The following SESN1 variants were observed in gnomAD, a reference collection of about 807,000 sequenced individuals.
SESN1 encodes the protein sestrin 1, also known as sestrin-1.
In SESN1, 30 loss-of-function variants were observed where a neutral mutation model predicts 59.3. The ratio of observed to expected loss-of-function variants is 0.51; its 90% CI spans 0.38 to 0.69. The LOEUF (loss-of-function observed/expected upper bound fraction) is 0.69, where lower values mean the gene tolerates loss of function less well. Ranked by LOEUF, SESN1 falls within the 30% of genes least tolerant of loss-of-function variation. SESN1 has a pLI of 0.00. For missense variants in SESN1, 566 were observed against 673.0 expected (o/e 0.84, Z 1.76); for synonymous variants, 197 against 219.9 (o/e 0.90, Z 0.92).
rs201768006 is a variant in SESN1 at position 109,069,322 on chromosome 6, C to CA, written c.279+24472dup. Among the ~76,000 whole-genome samples, 772 of 148,602 alleles carry CA rather than the reference C, an allele frequency of 5.2e-3. 8 individuals are homozygous for CA. The highest frequency in any genetic ancestry group is 0.017 in the African/African-American group (668 of 40,482). On this transcript the variant is annotated intron_variant, in intron 1 of 9. Transcript: ENST00000436639. ...AGAGGGGTAAAATAAAACAAACAAA[C>CA]AAAAAAAAACACCAAGTTCCATGCT...
At chr6:109,020,317 T>A (rs1204134865) in intron 1 of SESN1, among the ~76,000 whole-genome samples, 1 of 152,230 alleles carries the variant, frequency 6.6e-6, no homozygotes, top group African/African-American at 2.4e-5. Context: ...TTTAGTATTG[T>A]AGTGATTATT....
intron 1 of SESN1, among the ~76,000 whole-genome samples, chr6:109,085,505 T>C (rs974169171): frequency 2.2e-5 from 3 of 139,018 alleles, no homozygotes; most frequent in South Asian, 2.2e-4. Flanking sequence ...GGTGACAGAG[T>C]GACACTCCGT....
intron 1 of SESN1, among the ~76,000 whole-genome samples, chr6:109,006,066 T>C (rs1262527828): frequency 6.6e-6 from 1 of 152,146 alleles, no homozygotes; most frequent in African/African-American, 2.4e-5. Context: ...TGATAATAAA[T>C]AGCAATAGCA....
chr6:109,003,356 AG>A (rs1217681819), intron 1 of SESN1, among the ~76,000 whole-genome samples: 4 of 151,446 alleles, frequency 2.6e-5, no homozygotes, highest in African/African-American at 7.3e-5. Context: ...TTCCTTTTAA[AG>A]AAAAAAAGTG....
chr6:109,016,672 C>G (rs1779933231), intron 1 of SESN1, among the ~76,000 whole-genome samples: 1 of 152,120 alleles, frequency 6.6e-6, no homozygotes, highest in African/African-American at 2.4e-5. Flanking sequence ...ATTTAGGGGA[C>G]TATAGTTCAT....
rs1001663648 is a variant in SESN1 at position 109,004,666 on chromosome 6, G to A, written c.280-2323C>T. ...AGGATGGTCTCAATCTCCTGACCTC[G>A]TGATGCGCCCACCTCGGCCTCCCAA... On this transcript the variant is annotated intron_variant, in intron 1 of 9. Transcript: ENST00000436639. 3.9e-5 allele frequency among the ~76,000 whole-genome samples: 6 copies of A among 152,064 alleles called. No individual in the cohort carries two copies. The East Asian group carries it at 7.7e-4, about 20-fold the overall frequency.
At chr6:109,064,641 A>G (rs1392804265) in intron 1 of SESN1, among the ~76,000 whole-genome samples, 3 of 6,508 alleles carry the variant, frequency 4.6e-4, no homozygotes, top group Non-Finnish European at 5.7e-4. Flanking sequence ...AGGGGAGAGG[A>G]GAGGTGGGGT....
chr6:109,077,184 CAT>C (rs532609469), intron 1 of SESN1, among the ~76,000 whole-genome samples: 148 of 152,314 alleles, frequency 9.7e-4, no homozygotes, highest in African/African-American at 3.4e-3. Context: ...TTATGTGACA[CAT>C]GACTGTACTG....
intron 1 of SESN1, among the ~76,000 whole-genome samples, chr6:109,075,364 G>A (rs975867603): frequency 4.3e-4 from 66 of 152,122 alleles, no homozygotes; most frequent in African/African-American, 1.5e-3. Flanking sequence ...CTAGTTGGCT[G>A]GTTTCTAATG....
At chr6:109,082,684 C>G (rs1028149575) in intron 1 of SESN1, among the ~76,000 whole-genome samples, 1 of 152,196 alleles carries the variant, frequency 6.6e-6, no homozygotes, top group African/African-American at 2.4e-5. Flanking sequence ...TCTGCTGTCA[C>G]TTTGGGCAAC....
At chr6:109,041,717 C>T (rs111820972) in intron 1 of SESN1, among the ~76,000 whole-genome samples, 30 of 151,996 alleles carry the variant, frequency 2.0e-4, no homozygotes, top group East Asian at 1.5e-3. Context: ...CCTGGTAGTA[C>T]GGAAAGGAGA....
chr6:109,080,809 A>C (rs1781109240), intron 1 of SESN1, among the ~76,000 whole-genome samples: 1 of 152,038 alleles, frequency 6.6e-6, no homozygotes, highest in African/African-American at 2.4e-5. Flanking sequence ...CCAAATCCCA[A>C]ATGCTCCAAA....
In SESN1 at chr6:109,074,257, C is replaced by T. The variant is rs182341708; in HGVS notation, c.279+19538G>A. 5.1e-4 allele frequency among the ~76,000 whole-genome samples: 77 copies of T among 152,176 alleles called. 1 individual carries two copies. The highest frequency in any genetic ancestry group is 2.5e-3 in the South Asian group (12 of 4,820). ...TAACAATGCATTTCTCAGAATATAT[C>T]TGTCATTAAGCAACACATAACTGTA... On this transcript the variant is annotated intron_variant, in intron 1 of 9. Coordinates refer to ENST00000436639, the MANE Select transcript of SESN1 (RefSeq NM_014454.3).
intron 1 of SESN1, among the ~76,000 whole-genome samples, chr6:109,067,554 C>G (rs1223201819): frequency 6.6e-6 from 1 of 152,194 alleles, no homozygotes; most frequent in Non-Finnish European, 1.5e-5. Flanking sequence ...ATGGCTATAG[C>G]TTTGTGTTAT....
At chr6:109,080,189 T>C (rs1039977557) in intron 1 of SESN1, among the ~76,000 whole-genome samples, 3 of 152,144 alleles carry the variant, frequency 2.0e-5, no homozygotes, top group African/African-American at 7.2e-5. Flanking sequence ...CTGCAAACGT[T>C]AGGGTCTAAA....
Position 109,001,379 on chromosome 6 carries a change from T to C in SESN1, c.455A>G (p.Gln152Arg), listed in dbSNP as rs776488244. The stretch of plus-strand genomic sequence containing the variant: ...AGTTTTTAAGAAACTTTCTAAATAT[T>C]GTGGGTGGAAAACCATCACTAACGT... ...NITLVMVFHP[Q>R]YLESFLKTQH... Residue 152 changes from glutamine (Q) to arginine (R), a missense_variant, in exon 3 of 10, where the codon CAA becomes CGA. Transcript: ENST00000436639. The C allele has an allele frequency of 6.2e-7, 1 of 1,613,886 alleles. No individual in the cohort carries two copies. The highest frequency in any genetic ancestry group is 1.7e-5 in the Admixed American group (1 of 60,010).
chr6:109,083,049 A>C (rs1781152238), intron 1 of SESN1, among the ~76,000 whole-genome samples: 1 of 152,254 alleles, frequency 6.6e-6, no homozygotes, highest in Admixed American at 6.5e-5. Context: ...TAAGTAAACA[A>C]AGGTTCAAAG....
chr6:109,046,549 C>G (rs906612322), intron 1 of SESN1, among the ~76,000 whole-genome samples: 3 of 144,454 alleles, frequency 2.1e-5, no homozygotes, highest in Non-Finnish European at 3.1e-5. Flanking sequence ...CACCCATCGT[C>G]TGGGATGTGA....
intron 1 of SESN1, among the ~76,000 whole-genome samples, chr6:109,049,733 A>G (rs1358085505): frequency 6.7e-6 from 1 of 150,206 alleles, no homozygotes; most frequent in Non-Finnish European, 1.5e-5. Context: ...ATATTGATGT[A>G]TAATATATAT....
Sources: gnomAD v4.1 joint callset for allele counts (sites outside exome capture counted in the v4.1 genomes callset) on GRCh38, gnomAD v4.1.1 for gene constraint, MANE v1.5 for transcripts, NCBI Gene and HGNC (gene_info 2026-07-23, HGNC 2026-07-21) for gene names.